Variants in GNA13 observed in about 807,000 individuals in gnomAD.
The protein encoded by GNA13 is guanine nucleotide-binding protein subunit alpha-13.
GNA13 carries 4 observed loss-of-function variants against 33.5 expected under a neutral mutation model. That is an observed-to-expected ratio of 0.12 (90% CI 0.06 to 0.27). The LOEUF is 0.27. Ranked by LOEUF, GNA13 falls within the 10% of genes least tolerant of loss-of-function variation. The pLI, the probability that GNA13 is intolerant of heterozygous loss-of-function variation, is 1.00. For missense variants in GNA13, 319 were observed against 487.2 expected (o/e 0.65, Z 3.25); for synonymous variants, 176 against 183.8 (o/e 0.96, Z 0.34).
intron 2 of GNA13, among the ~76,000 whole-genome samples, chr17:65,024,577 T>TA (rs1476030618): frequency 1.4e-4 from 21 of 152,332 alleles, no homozygotes; most frequent in African/African-American, 5.1e-4. Context: ...TCTGACCCTT[T>TA]ACACATTTCT....
chr17:65,052,155 A>G (rs544211471), intron 2 of GNA13: 2 of 152,128 alleles, frequency 1.3e-5, no homozygotes, highest in East Asian at 3.9e-4. Context: ...TAAGCAGCTT[A>G]TTTATTTTTT....
intron 2 of GNA13, among the ~76,000 whole-genome samples, chr17:65,023,322 G>T (rs544938887): frequency 6.6e-6 from 1 of 152,342 alleles, no homozygotes; most frequent in Non-Finnish European, 1.5e-5. Flanking sequence ...ACGCTCCTGT[G>T]AACCTGACCA....
At chr17:65,028,275 G>A (rs1906872835) in intron 2 of GNA13, among the ~76,000 whole-genome samples, 1 of 151,862 alleles carries the variant, frequency 6.6e-6, no homozygotes. Context: ...CATAGTGATG[G>A]GCTCCTGTAG....
In GNA13 at chr17:65,009,903, A is replaced by G. The variant is rs1211528510; in HGVS notation, c.*4354T>C. ...AAAAATATTATATACAAGCTTTCTT[A>G]ACACAAACCAAAGTCACATACCAAG... On this transcript the variant is annotated 3_prime_UTR_variant, in exon 4 of 4. Coordinates refer to ENST00000439174, the MANE Select transcript of GNA13 (RefSeq NM_006572.6). 6.6e-6 allele frequency among the ~76,000 whole-genome samples: 1 copy of G among 152,194 alleles called. No homozygotes were observed. Among genetic ancestry groups the G allele is most frequent in the Non-Finnish European group, 1.5e-5 (1 of 68,022 alleles).
intron 2 of GNA13, among the ~76,000 whole-genome samples, chr17:65,039,192 A>G (rs1185764566): frequency 6.6e-6 from 1 of 152,156 alleles, no homozygotes; most frequent in African/African-American, 2.4e-5. Context: ...GCAGATCCCA[A>G]TGATTTTCCC....
chr17:65,052,211 T>A (rs1031990702), intron 2 of GNA13: 1 of 152,270 alleles, frequency 6.6e-6, no homozygotes, highest in East Asian at 1.9e-4. Context: ...TGGAGTGCAG[T>A]GGCACGAACT....
chr17:65,020,654 A>ATT (rs112893348), intron 2 of GNA13, among the ~76,000 whole-genome samples: 3 of 144,686 alleles, frequency 2.1e-5, no homozygotes, highest in South Asian at 2.2e-4. Context: ...ACTGAAGGGA[A>ATT]TTTTTTTTTT....
chr17:65,056,239 G>GCCCGGGCCCCCCCCCCCCCCCCCCCCC, intron 1 of GNA13, 72 bp downstream of exon 1: 3 of 936,164 alleles, frequency 3.2e-6, no homozygotes, highest in South Asian at 1.5e-5. Flanking sequence ...CCAGGGCGGT[G>GCCCGGGCCCCCCCCCCCCCCCCCCCCC]CCCCGCCCCG....
chr17:65,031,921 A>AGAGAGTGTGTGTGTGTGT (rs770161529), intron 2 of GNA13, among the ~76,000 whole-genome samples: 1 of 91,624 alleles, frequency 1.1e-5, no homozygotes, highest in Non-Finnish European at 2.2e-5. Flanking sequence ...AGAGAGAGAG[A>AGAGAGTGTGTGTGTGTGT]GTGTGTGTGT....
In GNA13 at chr17:65,045,507, C is replaced by CAAA. The variant is rs369520601; in HGVS notation, c.510+7992_510+7994dup. Among the ~76,000 whole-genome samples the CAAA allele has an allele frequency of 9.9e-4, 85 of 86,290 alleles. 1 individual carries two copies. The highest frequency in any genetic ancestry group is 1.5e-3 in the East Asian group (4 of 2,708). The allele number at this position is 86,290 out of a possible 152,430, so 56.6% of individuals were successfully genotyped here. The stretch of plus-strand genomic sequence containing the variant: ...TGGGCAACAGATCAAGACTCTGTCT[C>CAAA]AAAAAAAAAAAAAAAAAAAAACCAA... On this transcript the variant is annotated intron_variant, in intron 2 of 3. Coordinates refer to ENST00000439174, the MANE Select transcript of GNA13 (RefSeq NM_006572.6).
Position 65,056,378 on chromosome 17 carries a change from G to A in GNA13, c.216C>T (p.His72=), listed in dbSNP as rs1310285374. ...GCGCGCGCTGGTCGAAGTCCTGCCC[G>A]TGGATGATCCGCATCTGCTTCAGGA... The part of the protein sequence containing the change: ...STFLKQMRII[H]GQDFDQRARE... The change falls in exon 1 of 4, where the codon CAC becomes CAT. Residue 72 remains histidine, a synonymous_variant. Transcript: ENST00000439174. 7 of 1,613,106 alleles carry A rather than the reference G, an allele frequency of 4.3e-6. No individual in the cohort carries two copies. Among genetic ancestry groups the A allele is most frequent in the Admixed American group, 1.7e-5 (1 of 59,986 alleles).
At chr17:65,055,292 A>G (rs1908005343) in intron 1 of GNA13, among the ~76,000 whole-genome samples, 1 of 152,202 alleles carries the variant, frequency 6.6e-6, no homozygotes, top group South Asian at 2.1e-4. Context: ...TCAAATGACA[A>G]AATAAAAACC....
chr17:65,028,864 C>T (rs907190557), intron 2 of GNA13, among the ~76,000 whole-genome samples: 1 of 152,144 alleles, frequency 6.6e-6, no homozygotes, highest in African/African-American at 2.4e-5. Flanking sequence ...CCTCTACATG[C>T]AGTCTCTAGA....
intron 2 of GNA13, among the ~76,000 whole-genome samples, chr17:65,021,283 T>A (rs1906574463): frequency 6.6e-6 from 1 of 152,150 alleles, no homozygotes; most frequent in African/African-American, 2.4e-5. Context: ...GTATTAGAAG[T>A]CTATGAGGTT....
rs1250762608 is a variant in GNA13, at chr17:65,014,425, G to A, written c.966C>T (p.Val322=). The A allele has an allele frequency of 6.2e-7, 1 of 1,614,050 alleles. No homozygotes were observed. The highest frequency in any genetic ancestry group is 1.3e-5 in the African/African-American group (1 of 74,898). ...FEGDPHCLRD[V]QKFLVECFRN... ...GGAAACATTCCACCAGGAATTTTTGGACGTCTCTTAAGCAGTGGGGATCCC... is the reference window on the plus strand; with the variant it reads ...GGAAACATTCCACCAGGAATTTTTGAACGTCTCTTAAGCAGTGGGGATCCC... The change falls in exon 4 of 4, where the codon GTC becomes GTT. Residue 322 remains valine, a synonymous_variant. Transcript: ENST00000439174. The surrounding 1 kb of genome is among the most constrained non-coding windows in gnomAD (Gnocchi z 5.3).
rs1396593979 is a variant in GNA13, at chr17:65,014,893, T to A, written c.562-64A>T. Reference sequence around the variant, plus strand: ...GAAGTAATGCGAATTTTTAATGGACTACTAACTGGACTAGTGAATAGATAT... The same window carrying A: ...GAAGTAATGCGAATTTTTAATGGACAACTAACTGGACTAGTGAATAGATAT... On this transcript the variant is annotated intron_variant, in intron 3 of 3. Transcript: ENST00000439174. This position sits in a 1 kb window ranked among gnomAD's most constrained non-coding sequence, Gnocchi z 5.3. The A allele has an allele frequency of 1.1e-6, 1 of 892,140 alleles. No individual in the cohort carries two copies. Among genetic ancestry groups the A allele is most frequent in the Non-Finnish European group, 1.8e-6 (1 of 561,876 alleles). The allele number at this position is 892,140 out of a possible 1,614,324, so 55.3% of individuals were successfully genotyped here.
chr17:65,027,338 G>T (rs1906830325), intron 2 of GNA13, among the ~76,000 whole-genome samples: 1 of 136,856 alleles, frequency 7.3e-6, no homozygotes, highest in Non-Finnish European at 1.6e-5. Flanking sequence ...TAAAGAGATA[G>T]GTTTTCACTA....
chr17:65,031,921 A>AGAGAGAGAGAGTGTGT (rs770161529), intron 2 of GNA13, among the ~76,000 whole-genome samples: 11 of 91,696 alleles, frequency 1.2e-4, no homozygotes, highest in South Asian at 9.5e-4. Flanking sequence ...AGAGAGAGAG[A>AGAGAGAGAGAGTGTGT]GTGTGTGTGT....
In GNA13 at chr17:65,010,565, CTG is replaced by C. The variant is rs751983840; in HGVS notation, c.*3690_*3691del. 3.1e-4 allele frequency: 64 copies of C among 206,292 alleles called. No homozygotes were observed. The highest frequency in any genetic ancestry group is 4.6e-4 in the Non-Finnish European group (46 of 100,834). 12.8% of individuals were successfully genotyped at this position (206,292 alleles called of 1,614,324 possible). ...GCAGCACAACACAAGGACAGATCAT[CTG>C]TGATTAACAGAAGCGAACGCCTTAA... On this transcript the variant is annotated 3_prime_UTR_variant, in exon 4 of 4. Transcript: ENST00000439174.
Sources: allele counts gnomAD v4.1 joint callset (sites outside exome capture counted in the v4.1 genomes callset), GRCh38; gene constraint gnomAD v4.1.1; non-coding constraint Gnocchi (gnomAD v3.1); transcripts MANE v1.5; gene names NCBI Gene and HGNC (gene_info 2026-07-23, HGNC 2026-07-21).